Variants in KATNIP observed in about 807,000 individuals in gnomAD.
The protein encoded by KATNIP is katanin interacting protein.
In KATNIP, 126 loss-of-function variants were observed where a neutral mutation model predicts 174.0. That is an observed-to-expected ratio of 0.72 (90% CI 0.63 to 0.84). The LOEUF is 0.84. Among genes scored for constraint, KATNIP ranks in the 40% least tolerant of loss-of-function variants. KATNIP has a pLI of 0.00. For missense variants in KATNIP, 1,958 were observed against 2,109.7 expected, an observed-to-expected ratio of 0.93 and a Z score of 1.41; for synonymous variants, 810 against 835.7, an observed-to-expected ratio of 0.97 and a Z score of 0.53.
In KATNIP at chr16:27,749,696, A is replaced by G. The variant is rs762232139; in HGVS notation, c.2736A>G (p.Gly912=). The change falls in exon 16 of 28, where the codon GGA becomes GGG. Residue 912 remains glycine, a synonymous_variant. Coordinates refer to ENST00000261588, the MANE Select transcript of KATNIP (RefSeq NM_015202.5). The part of the protein sequence containing the change: ...SLSAFDRSHR[G]RISNTELPGD... ...GTGCCTTCGACCGCTCCCACCGGGG[A>G]CGCATCTCCAACACGGAGCTCCCGG... 4 of 1,613,334 alleles carry G rather than the reference A, an allele frequency of 2.5e-6. No individual in the cohort carries two copies. The highest frequency in any genetic ancestry group is 2.7e-5 in the African/African-American group (2 of 74,894).
At chr16:27,702,970 C>A (rs920351924) in intron 11 of KATNIP, among the ~76,000 whole-genome samples, 1 of 152,110 alleles carries the variant, frequency 6.6e-6, no homozygotes, top group African/African-American at 2.4e-5. Context: ...AGGTCGACAC[C>A]AGCCTGGCCA....
intron 1 of KATNIP, among the ~76,000 whole-genome samples, chr16:27,567,351 AGGC>A (rs879721395): frequency 8.5e-5 from 13 of 152,244 alleles, no homozygotes; most frequent in Non-Finnish European, 1.5e-4. Context: ...AAATAAGACC[AGGC>A]ACAGTGGCTC....
At chr16:27,641,242 G>A (rs557838683) in intron 5 of KATNIP, among the ~76,000 whole-genome samples, 138 of 152,126 alleles carry the variant, frequency 9.1e-4, no homozygotes, top group African/African-American at 3.2e-3. Flanking sequence ...TGTTCATCCC[G>A]ATTCTTGGTT....
At position 27,749,796 on chromosome 16, in the gene KATNIP, C is replaced by T. The variant is rs2081429335; in HGVS notation, c.2836C>T (p.Gln946Ter). 2 of 1,609,866 alleles carry T rather than the reference C, an allele frequency of 1.2e-6. No individual in the cohort carries two copies. Residue 946 changes from glutamine (Q) to a stop codon, truncating the protein, a stop_gained, in exon 16 of 28, where the codon CAG becomes TAG. Transcript: ENST00000261588. LOFTEE classifies it high-confidence loss of function. ...CTTGCCCCCCTCCAAGAAGGGGGAG[C>T]AGCCAGGGCTGTCGAGAGGGCAGGA... ...SDLPPSKKGE[Q>*]PGLSRGQDGY...
intron 13 of KATNIP, among the ~76,000 whole-genome samples, chr16:27,721,094 C>T (rs533273992): frequency 1.2e-4 from 19 of 152,294 alleles, no homozygotes; most frequent in African/African-American, 4.3e-4. Flanking sequence ...GCCCAACCAA[C>T]GACTGAGCTA....
chr16:27,577,389 A>C (rs142610572), intron 2 of KATNIP, among the ~76,000 whole-genome samples: 3 of 151,962 alleles, frequency 2.0e-5, no homozygotes, highest in Non-Finnish European at 4.4e-5. Flanking sequence ...CAAAAAAATT[A>C]AAAAAATTAA....
chr16:27,588,204 A>G (rs920647621), intron 2 of KATNIP, among the ~76,000 whole-genome samples: 2 of 151,662 alleles, frequency 1.3e-5, no homozygotes, highest in African/African-American at 4.8e-5. Context: ...TTTTTTTTCT[A>G]TGCAACTACA....
intron 13 of KATNIP, among the ~76,000 whole-genome samples, chr16:27,720,955 T>C (rs1403350939): frequency 6.6e-6 from 1 of 152,150 alleles, no homozygotes; most frequent in Non-Finnish European, 1.5e-5. Flanking sequence ...TGAATGAGAA[T>C]GACAGCAAGG....
At chr16:27,555,348 G>T (rs564306929) in intron 1 of KATNIP, among the ~76,000 whole-genome samples, 2 of 152,256 alleles carry the variant, frequency 1.3e-5, no homozygotes, top group African/African-American at 4.8e-5. Flanking sequence ...TTGACTTTGG[G>T]CAGGTCCTAT....
intron 8 of KATNIP, among the ~76,000 whole-genome samples, chr16:27,682,243 C>T (rs1044317968): frequency 1.3e-5 from 2 of 152,170 alleles, no homozygotes; most frequent in Admixed American, 6.5e-5. Flanking sequence ...TACATTTATT[C>T]ACTACTTAGG....
chr16:27,695,709 G>A (rs892139201), intron 8 of KATNIP, among the ~76,000 whole-genome samples: 1 of 152,188 alleles, frequency 6.6e-6, no homozygotes, highest in South Asian at 2.1e-4. Context: ...CCCAAGGGTT[G>A]AGATTCAGTA....
chr16:27,614,240 A>C (rs1190031304), intron 2 of KATNIP, among the ~76,000 whole-genome samples: 1 of 151,628 alleles, frequency 6.6e-6, no homozygotes, highest in Non-Finnish European at 1.5e-5. Flanking sequence ...ATCTCAGCTC[A>C]CTGCAACCTC....
chr16:27,713,809 CATATATATATATATATATATAT>C (rs60005285), intron 13 of KATNIP, among the ~76,000 whole-genome samples: 568 of 33,358 alleles, frequency 0.017, 21 homozygotes, highest in African/African-American at 0.042. Flanking sequence ...TGTGTATATA[CATATATATATATATATATATAT>C]ATATATATAT....
At chr16:27,573,787 C>A (rs2090388586) in intron 1 of KATNIP, 114 bp from the exon 2 acceptor site, 4 of 950,594 alleles carry the variant, frequency 4.2e-6, no homozygotes, top group South Asian at 1.5e-5. Flanking sequence ...TTCTTAAAAT[C>A]ATTTGATTAT....
intron 2 of KATNIP, among the ~76,000 whole-genome samples, chr16:27,610,636 A>C (rs1313590570): frequency 6.6e-6 from 1 of 152,168 alleles, no homozygotes; most frequent in African/African-American, 2.4e-5. Context: ...CAGGGGGCAC[A>C]ATTCACACGC....
At chr16:27,568,847 T>G (rs1596743018) in intron 1 of KATNIP, among the ~76,000 whole-genome samples, 2 of 152,176 alleles carry the variant, frequency 1.3e-5, no homozygotes, top group African/African-American at 2.4e-5. Flanking sequence ...ACTGAGTTCC[T>G]TTTATTCTCC....
intron 5 of KATNIP, chr16:27,632,650 A>C (rs1442474558): frequency 2.2e-6 from 1 of 456,136 alleles, no homozygotes; most frequent in Non-Finnish European, 4.4e-6. Flanking sequence ...TTGTGTAGTA[A>C]CCACAGAAGG....
chr16:27,582,192 A>G (rs2090725712), intron 2 of KATNIP, among the ~76,000 whole-genome samples: 1 of 151,986 alleles, frequency 6.6e-6, no homozygotes, highest in African/African-American at 2.4e-5. Context: ...CCTTTTCTCC[A>G]TTCAGTTCTC....
At chr16:27,685,751 A>G (rs1215435343) in intron 8 of KATNIP, among the ~76,000 whole-genome samples, 1 of 152,220 alleles carries the variant, frequency 6.6e-6, no homozygotes, top group African/African-American at 2.4e-5. Flanking sequence ...AAATTTGAAG[A>G]AAGAGTTCTG....
Sources: allele counts gnomAD v4.1 joint callset (sites outside exome capture counted in the v4.1 genomes callset), GRCh38; gene constraint gnomAD v4.1.1; transcripts MANE v1.5; gene names NCBI Gene and HGNC (gene_info 2026-07-23, HGNC 2026-07-21).